Variants in ATP2C1 observed in about 807,000 individuals in gnomAD.
ATP2C1 encodes ATPase secretory pathway Ca2+ transporting 1, also known as calcium-transporting ATPase type 2C member 1.
ATP2C1 carries 31 observed loss-of-function variants against 120.5 expected under a neutral mutation model. The ratio of observed to expected loss-of-function variants is 0.26; its 90% CI spans 0.19 to 0.35. ATP2C1 has a LOEUF of 0.35. ATP2C1 is among the 10% of genes least tolerant of loss of function. The pLI is 1.00. For missense variants in ATP2C1, 731 were observed against 1,107.5 expected (o/e 0.66, Z 4.83); for synonymous variants, 351 against 358.7 (o/e 0.98, Z 0.24).
downstream of ATP2C1, among the ~76,000 whole-genome samples, chr3:131,006,695 T>TTTTTTTTGGCAGGGTATA (rs2063130852): frequency 6.6e-6 from 1 of 151,716 alleles, no homozygotes; most frequent in African/African-American, 2.4e-5. Context: ...TACACTTTTT[T>TTTTTTTTGGCAGGGTATA]TTTTTTTGGC....
chr3:130,960,230 C>T (rs939642312), intron 12 of ATP2C1, among the ~76,000 whole-genome samples: 4 of 152,164 alleles, frequency 2.6e-5, no homozygotes, highest in Non-Finnish European at 5.9e-5. Context: ...ACTCACAAGA[C>T]TTTCACAGAC....
intron 8 of ATP2C1, among the ~76,000 whole-genome samples, chr3:130,947,585 T>C (rs1559960693): frequency 6.6e-6 from 1 of 152,202 alleles, no homozygotes; most frequent in Non-Finnish European, 1.5e-5. Context: ...AGGTACTTCA[T>C]TCATGTATGT....
intron 8 of ATP2C1, among the ~76,000 whole-genome samples, chr3:130,948,724 TTG>T (rs1436072375): frequency 6.6e-6 from 1 of 152,196 alleles, no homozygotes; most frequent in Non-Finnish European, 1.5e-5. Flanking sequence ...ATTAATAGAT[TTG>T]TGGCAACCCT....
chr3:130,981,610 A>G (rs552525560), intron 20 of ATP2C1, among the ~76,000 whole-genome samples: 1 of 152,264 alleles, frequency 6.6e-6, no homozygotes, highest in South Asian at 2.1e-4. Flanking sequence ...CTTAATGTAT[A>G]TTTAATTTCA....
downstream of ATP2C1, among the ~76,000 whole-genome samples, chr3:131,006,155 A>G (rs1358555204): frequency 6.6e-6 from 1 of 152,226 alleles, no homozygotes; most frequent in Non-Finnish European, 1.5e-5. Flanking sequence ...TCTGTTGCCC[A>G]GGCTGGAGTG....
At chr3:130,985,261 C>G (rs1425693785) in intron 20 of ATP2C1, among the ~76,000 whole-genome samples, 1 of 152,054 alleles carries the variant, frequency 6.6e-6, no homozygotes, top group Non-Finnish European at 1.5e-5. Flanking sequence ...GGAAATGATG[C>G]AAAGGTGAAA....
intron 2 of ATP2C1, among the ~76,000 whole-genome samples, chr3:130,928,455 C>G (rs1248553736): frequency 6.6e-6 from 1 of 152,158 alleles, no homozygotes; most frequent in Non-Finnish European, 1.5e-5. Context: ...ATCTATATAC[C>G]AACTACCAAA....
intron 5 of ATP2C1, 140 bp downstream of exon 5, chr3:130,934,851 T>G (rs536199701): frequency 2.4e-5 from 16 of 679,134 alleles, no homozygotes; most frequent in Middle Eastern, 7.8e-4. Flanking sequence ...TTCTTTTTGT[T>G]GCGACAGTTT....
chr3:130,874,109 CAA>C (rs532499817), intron 1 of ATP2C1, among the ~76,000 whole-genome samples: 3 of 97,886 alleles, frequency 3.1e-5, no homozygotes. Context: ...GACTCTGTCT[CAA>C]AAAAAAAAAA....
chr3:130,893,671 G>A (rs527811857), upstream of ATP2C1, among the ~76,000 whole-genome samples: 43 of 152,348 alleles, frequency 2.8e-4, 1 homozygote, highest in South Asian at 8.7e-3. Flanking sequence ...AACGCCTCGG[G>A]GACAGCGGCC....
intron 27 of ATP2C1, 48 bp downstream of exon 27, chr3:130,999,707 ATT>A: frequency 6.6e-7 from 1 of 1,504,310 alleles, no homozygotes; most frequent in Non-Finnish European, 9.2e-7. Flanking sequence ...GATAAATCAT[ATT>A]TTCTAATGTG....
upstream of ATP2C1, among the ~76,000 whole-genome samples, chr3:130,890,935 G>A (rs1559885862): frequency 6.6e-6 from 1 of 152,110 alleles, no homozygotes. Context: ...ACTTTGCCAG[G>A]CATGGTGGTT....
chr3:130,918,453 G>T, intron 2 of ATP2C1: 2 of 854,066 alleles, frequency 2.3e-6, no homozygotes, highest in Non-Finnish European at 4.1e-6. Flanking sequence ...ACACTTCTCA[G>T]CACCTCTGTA....
intron 26 of ATP2C1, chr3:131,016,115 T>C (rs993922415): frequency 6.8e-6 from 11 of 1,611,192 alleles, no homozygotes; most frequent in Middle Eastern, 1.6e-4. Flanking sequence ...TGTGCTTCCA[T>C]CTGAACTAAA....
At chr3:130,979,991 G>T (rs1437685162) in intron 19 of ATP2C1, among the ~76,000 whole-genome samples, 18 of 152,146 alleles carry the variant, frequency 1.2e-4, no homozygotes, top group Non-Finnish European at 2.5e-4. Flanking sequence ...TTGGAGAGGG[G>T]CTAGTCCAGG....
chr3:130,934,768 GT>G, intron 5 of ATP2C1, 57 bp downstream of exon 5: 1 of 1,236,228 alleles, frequency 8.1e-7, no homozygotes, highest in Non-Finnish European at 1.2e-6. Flanking sequence ...ATTGGGATTG[GT>G]TTTTATTTTG....
intron 2 of ATP2C1, chr3:130,918,828 A>G: frequency 3.0e-6 from 1 of 332,934 alleles, no homozygotes; most frequent in South Asian, 2.6e-5. Context: ...GGTCTCTACT[A>G]AAAATACAAA....
intron 2 of ATP2C1, among the ~76,000 whole-genome samples, chr3:130,926,952 G>T (rs1031869188): frequency 6.6e-6 from 1 of 152,180 alleles, no homozygotes; most frequent in African/African-American, 2.4e-5. Context: ...TATAAACACG[G>T]ATGTACATAT....
upstream of ATP2C1, among the ~76,000 whole-genome samples, chr3:130,889,443 C>A (rs59810966): frequency 0.012 from 1,847 of 152,200 alleles, 43 homozygotes; most frequent in African/African-American, 0.042. Context: ...TGCATGGAAA[C>A]AAGCACCTCA....
Sources: gnomAD v4.1 joint callset for allele counts (sites outside exome capture counted in the v4.1 genomes callset) on GRCh38, gnomAD v4.1.1 for gene constraint, MANE v1.5 for transcripts, NCBI Gene and HGNC (gene_info 2026-07-23, HGNC 2026-07-21) for gene names.